SLC68A1: variants seen among roughly 807,000 people sequenced by gnomAD.
SLC68A1 encodes major facilitator superfamily domain containing 13A.
the SLC68A1 span, chr10:102,471,002 G>A: frequency 2.0e-5 from 33 of 1,613,334 alleles, no homozygotes; most frequent in East Asian, 6.7e-5. Flanking sequence ...CGCTTTCTGC[G>A]TGACACTGGC....
the SLC68A1 span, chr10:102,476,130 G>A: frequency 3.8e-6 from 5 of 1,331,132 alleles, no homozygotes; most frequent in Non-Finnish European, 4.9e-6. Flanking sequence ...TGTTGCAGTG[G>A]TGCAATCTGG....
chr10:102,471,192 C>A, the SLC68A1 span: 1 of 1,599,078 alleles, frequency 6.3e-7, no homozygotes, highest in South Asian at 1.1e-5. Flanking sequence ...GGGTCCCCGG[C>A]TGATGGGGGC....
chr10:102,476,011 G>A, the SLC68A1 span: 1 of 1,446,772 alleles, frequency 6.9e-7, no homozygotes, highest in Non-Finnish European at 9.2e-7. Context: ...ACCCCACTGA[G>A]GATGCTGCTG....
the SLC68A1 span, chr10:102,476,041 AG>A: frequency 1.1e-5 from 9 of 825,780 alleles, no homozygotes; most frequent in Non-Finnish European, 1.3e-5. Flanking sequence ...GGAAGGAGCC[AG>A]TTTTTTTTGG....
At chr10:102,468,840 G>A in the SLC68A1 span, 1 of 579,816 alleles carries the variant, frequency 1.7e-6, no homozygotes, top group South Asian at 2.1e-5. Flanking sequence ...TCCCAGCGCT[G>A]TTGTAAGTAC....
the SLC68A1 span, among the ~76,000 whole-genome samples, chr10:102,464,977 G>C: frequency 6.6e-6 from 1 of 151,844 alleles, no homozygotes; most frequent in East Asian, 1.9e-4. Flanking sequence ...AAATTAGGCC[G>C]GGTGTGGAGG....
the SLC68A1 span, chr10:102,475,763 A>G: frequency 1.2e-6 from 2 of 1,613,046 alleles, no homozygotes; most frequent in African/African-American, 1.3e-5. Flanking sequence ...CCCTGTGGGG[A>G]GTGCCCATCC....
chr10:102,470,833 C>T, the SLC68A1 span: 30 of 1,613,538 alleles, frequency 1.9e-5, no homozygotes, highest in Middle Eastern at 1.6e-4. Context: ...TCCTGACGCT[C>T]GTGGACCTGC....
the SLC68A1 span, chr10:102,473,052 T>G: frequency 0.5 from 478,418 of 962,950 alleles, 123,092 homozygotes; most frequent in Middle Eastern, 0.58. Context: ...GGTCTCCATT[T>G]CCCGACCCAG....
chr10:102,470,725 G>T, the SLC68A1 span: 1 of 1,613,516 alleles, frequency 6.2e-7, no homozygotes, highest in Non-Finnish European at 8.5e-7. Flanking sequence ...CCCTGGGCTG[G>T]CATGGGCCGC....
the SLC68A1 span, chr10:102,471,115 C>T: frequency 9.0e-5 from 145 of 1,612,458 alleles, no homozygotes; most frequent in South Asian, 5.1e-4. Flanking sequence ...TTGTGGATAG[C>T]GGGTGAGTGG....
the SLC68A1 span, chr10:102,472,711 G>C: frequency 1.8e-4 from 129 of 716,012 alleles, no homozygotes; most frequent in South Asian, 1.5e-3. Context: ...TCTGTGTTTA[G>C]GGACATGGGG....
At chr10:102,472,001 T>A in the SLC68A1 span, 1 of 455,722 alleles carries the variant, frequency 2.2e-6, no homozygotes, top group African/African-American at 2.0e-5. Context: ...ACAATCTTTT[T>A]AAGACAGCAA....
chr10:102,470,534 G>A, the SLC68A1 span: 1 of 1,426,912 alleles, frequency 7.0e-7, no homozygotes, highest in Non-Finnish European at 9.4e-7. Context: ...GGGACTTAGG[G>A]GACAGTGGCA....
chr10:102,463,471 T>C, the SLC68A1 span, among the ~76,000 whole-genome samples: 1 of 152,002 alleles, frequency 6.6e-6, no homozygotes, highest in Non-Finnish European at 1.5e-5. Flanking sequence ...GCGCCCGGTA[T>C]CAGCCCTGCT....
the SLC68A1 span, chr10:102,471,244 G>C: frequency 2.5e-6 from 4 of 1,609,238 alleles, no homozygotes; most frequent in Admixed American, 5.0e-5. Flanking sequence ...CCAGCCCCAG[G>C]CAGTTCTCCA....
chr10:102,474,772 A>C, the SLC68A1 span, among the ~76,000 whole-genome samples: 2 of 151,996 alleles, frequency 1.3e-5, no homozygotes, highest in African/African-American at 2.4e-5. Context: ...CTAGCCTCCC[A>C]AGTAGTTGGG....
chr10:102,461,867 T>C, the SLC68A1 span: 1 of 152,202 alleles, frequency 6.6e-6, no homozygotes, highest in African/African-American at 2.4e-5. Context: ...GATTTAACTG[T>C]TCTGGGTGAG....
chr10:102,471,331 C>T, the SLC68A1 span: 130 of 1,613,774 alleles, frequency 8.1e-5, no homozygotes, highest in East Asian at 2.2e-3. Context: ...CACCTTGGGC[C>T]GGTATCTCCG....
Sources: allele counts gnomAD v4.1 joint callset (sites outside exome capture counted in the v4.1 genomes callset), GRCh38; gene constraint gnomAD v4.1.1; transcripts MANE v1.5; gene names NCBI Gene and HGNC (gene_info 2026-07-23, HGNC 2026-07-21).